Variants in MAN2A1 observed in about 807,000 individuals in gnomAD.
MAN2A1 encodes the protein mannosidase alpha class 2A member 1, also known as alpha-mannosidase 2.
Under a neutral mutation model 142.6 loss-of-function variants are expected in MAN2A1, and 76 were observed. The ratio of observed to expected loss-of-function variants is 0.53; its 90% CI spans 0.44 to 0.65. The LOEUF (loss-of-function observed/expected upper bound fraction) is 0.65, where lower values mean the gene tolerates loss of function less well. Ranked by LOEUF, MAN2A1 falls within the 30% of genes least tolerant of loss-of-function variation. The pLI is 0.00. For synonymous variants in MAN2A1, 559 were observed against 473.2 expected, an observed-to-expected ratio of 1.18 and a Z score of -2.35; for missense variants, 1,311 against 1,365.1, an observed-to-expected ratio of 0.96 and a Z score of 0.62.
intron 12 of MAN2A1, among the ~76,000 whole-genome samples, chr5:109,791,149 A>G (rs1244848977): frequency 6.6e-6 from 1 of 152,062 alleles, no homozygotes; most frequent in Non-Finnish European, 1.5e-5. Context: ...TAAATAGTAT[A>G]GGGTTTATCT....
chr5:109,853,830 CTTTA>C (rs1056469318), intron 19 of MAN2A1: 3 of 152,044 alleles, frequency 2.0e-5, no homozygotes, highest in Non-Finnish European at 2.9e-5. Context: ...ATTTTATATG[CTTTA>C]TTTAATCTTT....
chr5:109,819,733 G>A lies in MAN2A1; in HGVS notation c.2174G>A (p.Ser725Asn). 1 of 1,612,382 alleles carries A rather than the reference G, an allele frequency of 6.2e-7. No homozygotes were observed. The highest frequency in any genetic ancestry group is 8.5e-7 in the Non-Finnish European group (1 of 1,179,220). The change falls in exon 14 of 22, where the codon AGT becomes AAT. Residue 725 changes from serine to asparagine, a missense_variant. Transcript: ENST00000261483. ...GTGTATAAGATTTTGGAATCAGCAA[G>A]TTCAAATTCACATTTAGCTGATTAT... The part of the protein sequence containing the change: ...LKVYKILESA[S>N]SNSHLADYVL...
At chr5:109,861,065 GTC>G (rs1755743439) in intron 20 of MAN2A1, among the ~76,000 whole-genome samples, 2 of 152,206 alleles carry the variant, frequency 1.3e-5, no homozygotes, top group East Asian at 3.8e-4. Context: ...AAACTTTGGA[GTC>G]AGATGTCCTG....
At chr5:109,755,225 C>G (rs1246033767) in intron 4 of MAN2A1, 104 bp from the exon 5 acceptor site, 3 of 866,494 alleles carry the variant, frequency 3.5e-6, no homozygotes, top group Admixed American at 2.3e-5. Flanking sequence ...AGTATACATA[C>G]TGGTTATATT....
intron 4 of MAN2A1, among the ~76,000 whole-genome samples, chr5:109,735,833 TA>T (rs1752076411): frequency 6.6e-6 from 1 of 151,082 alleles, no homozygotes; most frequent in African/African-American, 2.4e-5. Flanking sequence ...TGTAAACATT[TA>T]AAGATAATTT....
chr5:109,786,512 T>C (rs1197610326), intron 10 of MAN2A1, among the ~76,000 whole-genome samples: 1 of 152,086 alleles, frequency 6.6e-6, no homozygotes, highest in African/African-American at 2.4e-5. Context: ...GCTTTTAGCT[T>C]ATAAAAACTT....
chr5:109,786,133 A>G (rs112375894), intron 10 of MAN2A1, among the ~76,000 whole-genome samples: 39 of 152,204 alleles, frequency 2.6e-4, no homozygotes, highest in Non-Finnish European at 5.0e-4. Context: ...TGGCAAATAT[A>G]TATGACACCC....
chr5:109,854,387 A>G (rs1456039626), intron 19 of MAN2A1: 3 of 152,166 alleles, frequency 2.0e-5, no homozygotes, highest in Non-Finnish European at 4.4e-5. Context: ...ACCATATACC[A>G]TAGCAAAAAC....
intron 7 of MAN2A1, among the ~76,000 whole-genome samples, chr5:109,772,788 G>A (rs1753184943): frequency 6.6e-6 from 1 of 152,136 alleles, no homozygotes; most frequent in Admixed American, 6.6e-5. Flanking sequence ...GGGATTACAG[G>A]TATGAGCCAC....
intron 12 of MAN2A1, among the ~76,000 whole-genome samples, chr5:109,805,626 T>G (rs1754144875): frequency 6.6e-6 from 1 of 152,208 alleles, no homozygotes; most frequent in Non-Finnish European, 1.5e-5. Context: ...AGAGGACTGA[T>G]TCTAGCCCCA....
intron 4 of MAN2A1, among the ~76,000 whole-genome samples, chr5:109,730,351 A>AT (rs529785038): frequency 9.1e-4 from 138 of 151,950 alleles, no homozygotes; most frequent in Middle Eastern, 3.2e-3. Flanking sequence ...CTTAACTCAT[A>AT]TTTTTCCTCA....
chr5:109,774,645 C>A (rs573330735), intron 7 of MAN2A1, 143 bp from the exon 8 acceptor site: 35 of 600,020 alleles, frequency 5.8e-5, no homozygotes, highest in Non-Finnish European at 9.1e-5. Flanking sequence ...ATTATACTAA[C>A]CTTGCAGATA....
chr5:109,784,808 C>T lies in MAN2A1; in HGVS notation c.1642C>T (p.Leu548Phe). The change falls in exon 10 of 22, where the codon CTC becomes TTC. Residue 548 changes from leucine (L) to phenylalanine (F), a missense_variant. Coordinates refer to ENST00000261483, the MANE Select transcript of MAN2A1 (RefSeq NM_002372.4). ...QAHKYKINKF[L>F]SSSLYTALTE... ...TCACAAATACAAGATAAATAAATTT[C>T]TCTCATCATCACTTTACACGGCACT... 1 of 1,611,648 alleles carries T rather than the reference C, an allele frequency of 6.2e-7. No homozygotes were observed. Among genetic ancestry groups the T allele is most frequent in the Non-Finnish European group, 8.5e-7 (1 of 1,179,132 alleles).
intron 1 of MAN2A1, among the ~76,000 whole-genome samples, chr5:109,709,040 G>C (rs1751221089): frequency 6.6e-6 from 1 of 152,152 alleles, no homozygotes; most frequent in South Asian, 2.1e-4. Context: ...GTAGATAAAG[G>C]ATGGGCCCAG....
At chr5:109,832,833 A>G (rs1167268709) in intron 16 of MAN2A1, among the ~76,000 whole-genome samples, 15 of 150,474 alleles carry the variant, frequency 1.0e-4, no homozygotes, top group African/African-American at 3.5e-4. Flanking sequence ...CACCTCCTGG[A>G]GGGGGCGGCT....
chr5:109,784,274 C>G (rs1446173738), intron 9 of MAN2A1, among the ~76,000 whole-genome samples: 1 of 152,178 alleles, frequency 6.6e-6, no homozygotes, highest in African/African-American at 2.4e-5. Context: ...TGCCTCTCCT[C>G]TCCTCTGAGT....
In MAN2A1 at chr5:109,690,115, C is replaced by G. The variant is rs116535370; in HGVS notation, c.-303C>G. 17,914 of 313,928 alleles carry G rather than the reference C, an allele frequency of 0.057. 609 individuals are homozygous for G. Among genetic ancestry groups the G allele is most frequent in the Non-Finnish European group, 0.073 (12,190 of 165,974 alleles). 19.4% of individuals were successfully genotyped at this position (313,928 alleles called of 1,614,324 possible). ...CCTCCGCCTGCCCCGCGCGCCCTGCCGGAGGTCGGCGCTGAGCTTGCGATC... is the reference window on the plus strand; with the variant it reads ...CCTCCGCCTGCCCCGCGCGCCCTGCGGGAGGTCGGCGCTGAGCTTGCGATC... On this transcript the variant is annotated 5_prime_UTR_variant, in exon 1 of 22. Transcript: ENST00000261483.
chr5:109,763,477 T>G (rs1374009694), intron 5 of MAN2A1, among the ~76,000 whole-genome samples: 1 of 151,780 alleles, frequency 6.6e-6, no homozygotes, highest in Non-Finnish European at 1.5e-5. Flanking sequence ...TCCTTGGTTT[T>G]GTTTTCTTTT....
At chr5:109,782,700 T>G (rs1753493598) in intron 9 of MAN2A1, among the ~76,000 whole-genome samples, 1 of 152,164 alleles carries the variant, frequency 6.6e-6, no homozygotes, top group South Asian at 2.1e-4. Flanking sequence ...GTGCTGCTAT[T>G]AAATACTATT....
Sources: gnomAD v4.1 joint callset for allele counts (sites outside exome capture counted in the v4.1 genomes callset) on GRCh38, gnomAD v4.1.1 for gene constraint, MANE v1.5 for transcripts, NCBI Gene and HGNC (gene_info 2026-07-23, HGNC 2026-07-21) for gene names.